Variants in ZZEF1 observed in about 807,000 individuals in gnomAD.
ZZEF1 encodes the protein zinc finger ZZ-type and EF-hand domain containing 1, also known as zinc finger ZZ-type and EF-hand domain-containing protein 1.
ZZEF1 carries 157 observed loss-of-function variants against 342.8 expected under a neutral mutation model. The ratio of observed to expected loss-of-function variants is 0.46; its 90% CI spans 0.40 to 0.52. ZZEF1 has a LOEUF of 0.52. Ranked by LOEUF, ZZEF1 falls within the 20% of genes least tolerant of loss-of-function variation. The probability of loss-of-function intolerance (pLI) is 0.00; values close to 1 mark genes in which losing one functional copy is unlikely to be tolerated. For missense variants in ZZEF1, 3,480 were observed against 3,725.6 expected, an observed-to-expected ratio of 0.93 and a Z score of 1.72; for synonymous variants, 1,505 against 1,429.1, an observed-to-expected ratio of 1.05 and a Z score of -1.20.
chr17:4,123,466 C>T (rs1278521073), intron 2 of ZZEF1, among the ~76,000 whole-genome samples: 4 of 151,626 alleles, frequency 2.6e-5, no homozygotes, highest in Non-Finnish European at 5.9e-5. Flanking sequence ...AAAAAAATGA[C>T]GCAAATGTGA....
intron 9 of ZZEF1, among the ~76,000 whole-genome samples, chr17:4,101,053 GC>G (rs2058118937): frequency 6.6e-6 from 1 of 152,138 alleles, no homozygotes; most frequent in Non-Finnish European, 1.5e-5. Flanking sequence ...GCCAGCCATG[GC>G]CTTCAGTGTG....
At chr17:4,096,317 AC>A (rs1316269531) in intron 10 of ZZEF1, among the ~76,000 whole-genome samples, 1 of 152,074 alleles carries the variant, frequency 6.6e-6, no homozygotes, top group African/African-American at 2.4e-5. Flanking sequence ...AAAAAAAAAA[AC>A]CAAAACACCA....
chr17:4,026,869 G>A (rs11867499), intron 42 of ZZEF1, among the ~76,000 whole-genome samples: 300 of 152,072 alleles, frequency 2.0e-3, no homozygotes, highest in African/African-American at 6.9e-3. Context: ...ATAAAACTCA[G>A]CTTAGAATTT....
intron 42 of ZZEF1, among the ~76,000 whole-genome samples, chr17:4,026,602 AC>A (rs2145016554): frequency 6.6e-6 from 1 of 151,240 alleles, no homozygotes; most frequent in Non-Finnish European, 1.5e-5. Context: ...GCTGACTGCA[AC>A]CTCCACCTCC....
intron 37 of ZZEF1, among the ~76,000 whole-genome samples, chr17:4,047,044 G>A (rs1247601718): frequency 6.6e-6 from 1 of 152,156 alleles, no homozygotes; most frequent in Non-Finnish European, 1.5e-5. Flanking sequence ...GAAATTGCTT[G>A]CAGCTTTACT....
At chr17:4,138,239 G>A (rs2058786330) in intron 1 of ZZEF1, among the ~76,000 whole-genome samples, 1 of 152,210 alleles carries the variant, frequency 6.6e-6, no homozygotes, top group African/African-American at 2.4e-5. Context: ...AGCTCTTACA[G>A]TCAATAGTCT....
chr17:4,023,489 TG>T (rs533733656), intron 43 of ZZEF1, among the ~76,000 whole-genome samples: 35 of 151,990 alleles, frequency 2.3e-4, no homozygotes, highest in African/African-American at 8.2e-4. Context: ...ATGTAAACAA[TG>T]GAAACAGTAG....
chr17:4,037,028 G>A (rs1176366240), intron 39 of ZZEF1, among the ~76,000 whole-genome samples: 1 of 152,012 alleles, frequency 6.6e-6, no homozygotes, highest in Admixed American at 6.6e-5. Context: ...TGAAATGATG[G>A]GGATATGTCA....
intron 46 of ZZEF1, 146 bp from the exon 47 acceptor site, chr17:4,018,117 T>C (rs368117079): frequency 3.0e-6 from 3 of 1,006,580 alleles, no homozygotes. Context: ...GCCAACTGGA[T>C]TCACAGCCTT....
intron 25 of ZZEF1, 36 bp downstream of exon 25, chr17:4,072,572 C>T (rs200351200): frequency 6.8e-5 from 107 of 1,571,476 alleles, no homozygotes; most frequent in Non-Finnish European, 8.8e-5. Context: ...CAGGCAGTTT[C>T]CAGTCTAAAT....
chr17:4,137,145 G>A (rs1425766123), intron 1 of ZZEF1, among the ~76,000 whole-genome samples: 1 of 151,108 alleles, frequency 6.6e-6, no homozygotes. Context: ...GGGAGCCACT[G>A]AAGTTTCTAA....
chr17:4,116,864 CTG>C (rs369954455), intron 3 of ZZEF1, 106 bp downstream of exon 3: 3 of 1,163,510 alleles, frequency 2.6e-6, no homozygotes, highest in African/African-American at 3.1e-5. Context: ...ACTCATGACT[CTG>C]TATTTTCAGA....
intron 43 of ZZEF1, among the ~76,000 whole-genome samples, chr17:4,023,259 C>T (rs1331278920): frequency 6.6e-6 from 1 of 152,030 alleles, no homozygotes; most frequent in Non-Finnish European, 1.5e-5. Flanking sequence ...GAGAAAAAGG[C>T]TTTTTTTGAC....
At chr17:4,072,548 G>A (rs1168224045) in intron 25 of ZZEF1, 60 bp downstream of exon 25, 26 of 1,528,482 alleles carry the variant, frequency 1.7e-5, no homozygotes, top group African/African-American at 5.5e-5. Flanking sequence ...ATAACTTAAA[G>A]TAATAAATAC....
rs1567761890 is a variant in ZZEF1 at position 4,016,333 on chromosome 17, GTGT to G, written c.8132_8134del (p.Asn2711del). ...CGGCCCCAGGCTTACCTCGAAGTTG[GTGT>G]TGTTGTTATACGGGTGTTTCGACTC... On this transcript the variant is annotated inframe_deletion, in exon 49 of 55. Transcript: ENST00000381638. This position sits in a 1 kb window ranked among gnomAD's most constrained non-coding sequence, Gnocchi z 4.4. 6.2e-7 allele frequency: 1 copy of G among 1,613,986 alleles called. No individual in the cohort carries two copies. Among genetic ancestry groups the G allele is most frequent in the Non-Finnish European group, 8.5e-7 (1 of 1,179,950 alleles).
At position 4,096,399 on chromosome 17, in the gene ZZEF1, C is replaced by T. The variant is rs114996957; in HGVS notation, c.1764+210G>A. Among the ~76,000 whole-genome samples the T allele has an allele frequency of 8.5e-3, 1,286 of 151,880 alleles. 16 individuals carry two copies. Among genetic ancestry groups the T allele is most frequent in the African/African-American group, 0.03 (1,229 of 41,424 alleles). ...AACCTAATTGTACATGGAAAAGTAA[C>T]TACAACAGTGTAATGGATTGTTTAT... On this transcript the variant is annotated intron_variant, in intron 10 of 54. Transcript: ENST00000381638.
intron 34 of ZZEF1, among the ~76,000 whole-genome samples, 186 bp from the exon 35 acceptor site, chr17:4,052,322 C>T (rs1022174738): frequency 5.9e-5 from 9 of 152,204 alleles, no homozygotes; most frequent in Non-Finnish European, 1.0e-4. Context: ...GAATGAGACT[C>T]TTGGCACAGA....
intron 12 of ZZEF1, 85 bp downstream of exon 12, chr17:4,090,634 A>T (rs1018154239): frequency 5.4e-6 from 6 of 1,109,742 alleles, no homozygotes; most frequent in Non-Finnish European, 8.2e-6. Context: ...GGGTTGTAGC[A>T]TTGGCACAGG....
intron 18 of ZZEF1, among the ~76,000 whole-genome samples, chr17:4,079,448 T>C (rs138274660): frequency 1.8e-4 from 27 of 152,272 alleles, no homozygotes; most frequent in African/African-American, 6.0e-4. Context: ...GAATGAGCCA[T>C]GGCTAACTGG....
Sources: allele counts gnomAD v4.1 joint callset (sites outside exome capture counted in the v4.1 genomes callset), GRCh38; gene constraint gnomAD v4.1.1; non-coding constraint Gnocchi (gnomAD v3.1); transcripts MANE v1.5; gene names NCBI Gene and HGNC (gene_info 2026-07-23, HGNC 2026-07-21).